Variants in KCNN2 observed in about 807,000 individuals in gnomAD.
KCNN2 encodes small conductance calcium-activated potassium channel protein 2.
A neutral mutation model predicts 55.5 loss-of-function variants in KCNN2; 24 were observed. The ratio of observed to expected loss-of-function variants is 0.43; its 90% CI spans 0.31 to 0.61. KCNN2 has a LOEUF of 0.61. Among genes scored for constraint, KCNN2 ranks in the 20% least tolerant of loss-of-function variants. KCNN2 has a pLI of 0.08. For missense variants in KCNN2, 754 were observed against 853.6 expected, an observed-to-expected ratio of 0.88 and a Z score of 1.45; for synonymous variants, 431 against 336.1, an observed-to-expected ratio of 1.28 and a Z score of -3.09.
rs568011290 is a variant in KCNN2, at chr5:114,303,171, G to T, written c.-184-57774G>T. 5.3e-5 allele frequency among the ~76,000 whole-genome samples: 8 copies of T among 152,334 alleles called. No individual in the cohort carries two copies. In the South Asian group the frequency reaches 1.7e-3, roughly 32 times the overall value. On this transcript the variant is annotated intron_variant, in intron 2 of 10. Transcript: ENST00000512097. Reference sequence around the variant, plus strand: ...TTGGGACAAATATAAAAAGGGAGAAGAAATCAGTATACCATATTTATTGCT... The same window carrying T: ...TTGGGACAAATATAAAAAGGGAGAATAAATCAGTATACCATATTTATTGCT...
rs115295652 is a variant in KCNN2, at chr5:114,221,057, A to G, written c.-270-423A>G. Among the ~76,000 whole-genome samples, 589 of 152,348 alleles carry G rather than the reference A, an allele frequency of 3.9e-3. 3 individuals carry two copies. Among genetic ancestry groups the G allele is most frequent in the Non-Finnish European group, 6.1e-3 (413 of 68,038 alleles). On this transcript the variant is annotated intron_variant, in intron 1 of 10. Coordinates refer to the KCNN2 transcript ENST00000512097. ...AAATAAATTCAACTCTGTATGCATT[A>G]TAATATCACCACTATCCTATATGAC...
intron 1 of KCNN2, among the ~76,000 whole-genome samples, chr5:114,127,252 C>T (rs764338648): frequency 3.9e-5 from 6 of 152,132 alleles, no homozygotes; most frequent in Admixed American, 1.3e-4. Flanking sequence ...CCACATTTTC[C>T]TTCTGCACTG....
At chr5:114,366,649 A>G (rs369194737) in intron 2 of KCNN2, among the ~76,000 whole-genome samples, 96 of 152,184 alleles carry the variant, frequency 6.3e-4, no homozygotes, top group African/African-American at 2.2e-3. Flanking sequence ...CTGAAACACA[A>G]TGAAACCAAC....
At chr5:114,101,347 T>C (rs930571865) in intron 1 of KCNN2, among the ~76,000 whole-genome samples, 4 of 151,734 alleles carry the variant, frequency 2.6e-5, no homozygotes, top group Non-Finnish European at 5.9e-5. Flanking sequence ...GTGCAGTAGG[T>C]GTAATCACAT....
chr5:114,324,802 G>T (rs551470396), intron 2 of KCNN2, among the ~76,000 whole-genome samples: 1 of 152,174 alleles, frequency 6.6e-6, no homozygotes, highest in South Asian at 2.1e-4. Flanking sequence ...ATTTTCATGA[G>T]TGTTACAGAA....
At chr5:114,234,126 T>C (rs986201299) in intron 2 of KCNN2, among the ~76,000 whole-genome samples, 4 of 152,164 alleles carry the variant, frequency 2.6e-5, no homozygotes, top group Non-Finnish European at 5.9e-5. Flanking sequence ...AGCAACCATA[T>C]TGTTTGAACT....
intron 2 of KCNN2, among the ~76,000 whole-genome samples, chr5:114,231,659 C>G (rs1317646956): frequency 6.6e-6 from 1 of 151,130 alleles, no homozygotes; most frequent in Non-Finnish European, 1.5e-5. Context: ...ATTTTTCTAA[C>G]CCAAGTGTAA....
intron 3 of KCNN2, among the ~76,000 whole-genome samples, chr5:114,440,845 T>A (rs1451362738): frequency 1.3e-5 from 2 of 152,122 alleles, no homozygotes; most frequent in Non-Finnish European, 1.5e-5. Context: ...AGGGAATTAT[T>A]AATAGAAATT....
chr5:114,286,539 G>T (rs1382129414), intron 2 of KCNN2, among the ~76,000 whole-genome samples: 1 of 152,150 alleles, frequency 6.6e-6, no homozygotes, highest in Non-Finnish European at 1.5e-5. Context: ...TTTAGTGTAG[G>T]CTGGGACCAG....
At chr5:114,404,408 T>C in intron 2 of KCNN2, 30 bp from the exon 3 acceptor site, 2 of 1,587,654 alleles carry the variant, frequency 1.3e-6, no homozygotes, top group Non-Finnish European at 1.7e-6. Context: ...CATGCCATAC[T>C]GAAGCTGATT....
At chr5:114,142,556 G>C (rs534665839) in intron 1 of KCNN2, among the ~76,000 whole-genome samples, 1 of 152,104 alleles carries the variant, frequency 6.6e-6, no homozygotes, top group Admixed American at 6.6e-5. Flanking sequence ...AAGATCACAG[G>C]CATTCTTATA....
intron 2 of KCNN2, among the ~76,000 whole-genome samples, chr5:114,384,115 A>AT (rs1758209585): frequency 6.6e-6 from 1 of 152,072 alleles, no homozygotes; most frequent in Admixed American, 6.5e-5. Context: ...GTTAGGTGTG[A>AT]TTTTATCTGG....
chr5:114,361,816 T>C (rs1757429466), upstream of KCNN2: 1 of 152,746 alleles, frequency 6.5e-6, no homozygotes, highest in Non-Finnish European at 1.5e-5. Context: ...CTCCACGCAA[T>C]CAGCAGGCGG....
chr5:114,250,630 C>T (rs1754838955), intron 2 of KCNN2, among the ~76,000 whole-genome samples: 1 of 152,066 alleles, frequency 6.6e-6, no homozygotes, highest in African/African-American at 2.4e-5. Flanking sequence ...CAGGAGATAG[C>T]TCGTAATTGG....
chr5:114,453,615 T>C (rs1244837895), intron 3 of KCNN2, among the ~76,000 whole-genome samples: 1 of 152,186 alleles, frequency 6.6e-6, no homozygotes. Flanking sequence ...ATATTATCCT[T>C]CTGGAAAGAT....
intron 1 of KCNN2, among the ~76,000 whole-genome samples, chr5:114,123,745 G>T (rs1412869221): frequency 6.6e-6 from 1 of 152,034 alleles, no homozygotes. Flanking sequence ...GCAGATTTTT[G>T]ACTTTGATAT....
chr5:114,139,533 C>T (rs1164832035), intron 1 of KCNN2, among the ~76,000 whole-genome samples: 2 of 150,312 alleles, frequency 1.3e-5, no homozygotes, highest in Middle Eastern at 3.5e-3. Flanking sequence ...ACACAGCCTC[C>T]AGAGGTTATT....
At chr5:114,307,994 C>A (rs1055191641) in intron 2 of KCNN2, among the ~76,000 whole-genome samples, 3 of 152,090 alleles carry the variant, frequency 2.0e-5, no homozygotes, top group Non-Finnish European at 4.4e-5. Flanking sequence ...CCTCCTGATA[C>A]ACACACACAT....
At chr5:114,309,794 A>G (rs972256008) in intron 2 of KCNN2, among the ~76,000 whole-genome samples, 1 of 152,152 alleles carries the variant, frequency 6.6e-6, no homozygotes, top group African/African-American at 2.4e-5. Flanking sequence ...CCTGGCTCAA[A>G]GAGTGAAAAG....
Sources: allele counts gnomAD v4.1 joint callset (sites outside exome capture counted in the v4.1 genomes callset), GRCh38; gene constraint gnomAD v4.1.1; transcripts MANE v1.5; gene names NCBI Gene and HGNC (gene_info 2026-07-23, HGNC 2026-07-21).